The following ALK variants were observed in gnomAD, a reference collection of about 807,000 sequenced individuals.
ALK encodes ALK tyrosine kinase receptor.
A neutral mutation model predicts 163.1 loss-of-function variants in ALK; 74 were observed. The observed-to-expected ratio is 0.45, with a 90% CI of 0.38 to 0.55. The LOEUF is 0.55. ALK is among the 20% of genes least tolerant of loss of function. ALK has a pLI of 0.00. For synonymous variants in ALK, 960 were observed against 843.2 expected, an observed-to-expected ratio of 1.14 and a Z score of -2.40; for missense variants, 2,063 against 2,105.3, an observed-to-expected ratio of 0.98 and a Z score of 0.39.
chr2:29,244,218 G>C (rs1664595117), intron 12 of ALK, among the ~76,000 whole-genome samples: 1 of 152,164 alleles, frequency 6.6e-6, no homozygotes, highest in South Asian at 2.1e-4. Flanking sequence ...CCTGCTCTGG[G>C]CTCTGCCTTT....
intron 6 of ALK, among the ~76,000 whole-genome samples, chr2:29,321,231 C>G (rs939023196): frequency 6.6e-6 from 1 of 152,180 alleles, no homozygotes; most frequent in African/African-American, 2.4e-5. Context: ...CCAGTTAGGA[C>G]TCGAACCCAG....
chr2:29,246,799 G>A lies in ALK; in HGVS notation c.2204+4306C>T, dbSNP rs1034936939. The stretch of plus-strand genomic sequence containing the variant: ...CAGTCCTTTTGACCATGGCCTGAGT[G>A]ACAGTGACTCCCTTCCAACTGCTCT... On this transcript the variant is annotated intron_variant, in intron 12 of 28. Transcript: ENST00000389048. The surrounding 1 kb of genome is among the most constrained non-coding windows in gnomAD (Gnocchi z 4.3). Among the ~76,000 whole-genome samples the A allele has an allele frequency of 6.6e-6, 1 of 152,134 alleles. No homozygotes were observed. Among genetic ancestry groups the A allele is most frequent in the African/African-American group, 2.4e-5 (1 of 41,410 alleles).
chr2:29,543,402 T>C (rs1414598447), intron 3 of ALK, among the ~76,000 whole-genome samples: 1 of 152,246 alleles, frequency 6.6e-6, no homozygotes, highest in African/African-American at 2.4e-5. Context: ...ATTTGCCTGA[T>C]GGACAGTTTC....
chr2:29,416,632 T>C (rs550504404), intron 4 of ALK, among the ~76,000 whole-genome samples: 10 of 152,330 alleles, frequency 6.6e-5, no homozygotes, highest in Non-Finnish European at 1.5e-4. Context: ...TTAGTGGCTC[T>C]TGTAGAAAGA....
At chr2:29,442,154 A>G (rs953547455) in intron 4 of ALK, among the ~76,000 whole-genome samples, 7 of 152,076 alleles carry the variant, frequency 4.6e-5, no homozygotes, top group African/African-American at 1.7e-4. Flanking sequence ...CCACTCCATT[A>G]TAATCCTCGT....
At chr2:29,434,415 T>C (rs576272613) in intron 4 of ALK, among the ~76,000 whole-genome samples, 8 of 152,198 alleles carry the variant, frequency 5.3e-5, no homozygotes, top group East Asian at 1.9e-4. Flanking sequence ...CAAATTCATA[T>C]TGATTGTTCT....
At chr2:29,285,575 T>C (rs1385229116) in intron 9 of ALK, among the ~76,000 whole-genome samples, 1 of 150,494 alleles carries the variant, frequency 6.6e-6, no homozygotes, top group African/African-American at 2.4e-5. Context: ...GGCTCTTTTT[T>C]TTTTTGGAAT....
At chr2:29,555,136 T>C (rs991303826) in intron 3 of ALK, among the ~76,000 whole-genome samples, 1 of 152,182 alleles carries the variant, frequency 6.6e-6, no homozygotes. Context: ...CTTTACTCTA[T>C]GGACTCACCC....
intron 4 of ALK, among the ~76,000 whole-genome samples, chr2:29,397,088 G>A (rs925219119): frequency 6.6e-6 from 1 of 151,974 alleles, no homozygotes; most frequent in African/African-American, 2.4e-5. Flanking sequence ...TGTTTGAATT[G>A]TGACTCACTC....
chr2:29,601,682 C>A (rs546810137), intron 3 of ALK, among the ~76,000 whole-genome samples: 9 of 152,178 alleles, frequency 5.9e-5, no homozygotes, highest in South Asian at 2.1e-4. Flanking sequence ...TCTGAAAAAA[C>A]AAAAGCAGGC....
At chr2:29,890,084 C>T (rs1371926375) in intron 1 of ALK, among the ~76,000 whole-genome samples, 1 of 152,170 alleles carries the variant, frequency 6.6e-6, no homozygotes, top group Non-Finnish European at 1.5e-5. Context: ...GAGAGACAAG[C>T]TCTGCTGGGT....
At chr2:29,394,425 T>G (rs1669254063) in intron 4 of ALK, among the ~76,000 whole-genome samples, 2 of 152,134 alleles carry the variant, frequency 1.3e-5, no homozygotes, top group Non-Finnish European at 2.9e-5. Context: ...TTTCTCTAAA[T>G]TTTGGATTAG....
chr2:29,818,487 C>T (rs769492815), intron 1 of ALK, among the ~76,000 whole-genome samples: 1 of 152,230 alleles, frequency 6.6e-6, no homozygotes, highest in African/African-American at 2.4e-5. Flanking sequence ...GCCTTGCATA[C>T]CCAACACGCT....
At chr2:29,627,348 T>A (rs1676223059) in intron 3 of ALK, among the ~76,000 whole-genome samples, 2 of 152,138 alleles carry the variant, frequency 1.3e-5, no homozygotes, top group African/African-American at 4.8e-5. Flanking sequence ...AGGAAGAGTA[T>A]TTGCCTGCTC....
intron 4 of ALK, among the ~76,000 whole-genome samples, chr2:29,489,993 A>G (rs1303745262): frequency 6.6e-6 from 1 of 152,266 alleles, no homozygotes; most frequent in African/African-American, 2.4e-5. Flanking sequence ...CAAACCTGGA[A>G]CATGGGGACA....
chr2:29,918,656 C>A (rs533896818), intron 1 of ALK, among the ~76,000 whole-genome samples: 1 of 152,294 alleles, frequency 6.6e-6, no homozygotes, highest in South Asian at 2.1e-4. Context: ...TGTGCAATGA[C>A]TAGGGAACCT....
chr2:29,276,087 C>T (rs1371734988), intron 9 of ALK, among the ~76,000 whole-genome samples: 2 of 152,168 alleles, frequency 1.3e-5, no homozygotes, highest in Admixed American at 6.5e-5. Flanking sequence ...CCTGCTGCCC[C>T]GACCCCTCAA....
intron 5 of ALK, among the ~76,000 whole-genome samples, chr2:29,349,972 A>T (rs1174356069): frequency 2.6e-5 from 4 of 152,170 alleles, no homozygotes; most frequent in Non-Finnish European, 5.9e-5. Context: ...AATGTTACCC[A>T]CTCAAGGTAG....
At chr2:29,835,287 A>G (rs112891289) in intron 1 of ALK, among the ~76,000 whole-genome samples, 1,892 of 152,290 alleles carry the variant, frequency 0.012, 18 homozygotes, top group Middle Eastern at 0.031. Context: ...GGATATATTG[A>G]CAGTTAAGAC....
Sources: allele counts gnomAD v4.1 joint callset (sites outside exome capture counted in the v4.1 genomes callset), GRCh38; gene constraint gnomAD v4.1.1; non-coding constraint Gnocchi (gnomAD v3.1); transcripts MANE v1.5; gene names NCBI Gene and HGNC (gene_info 2026-07-23, HGNC 2026-07-21).